The following EPB41L4A variants were observed in gnomAD, a reference collection of about 807,000 sequenced individuals.
EPB41L4A encodes the protein band 4.1-like protein 4A.
EPB41L4A carries 100 observed loss-of-function variants against 108.6 expected under a neutral mutation model. The ratio of observed to expected loss-of-function variants is 0.92; its 90% CI spans 0.78 to 1.09. EPB41L4A has a LOEUF of 1.09. EPB41L4A is among the 50% of genes least tolerant of loss of function. The pLI is 0.00. For synonymous variants in EPB41L4A, 319 were observed against 289.0 expected (o/e 1.10, Z -1.05); for missense variants, 1,030 against 842.7 (o/e 1.22, Z -2.75).
chr5:112,168,819 A>G lies in EPB41L4A; in HGVS notation c.1852T>C (p.Ser618Pro). The G allele has an allele frequency of 6.2e-7, 1 of 1,613,390 alleles. No homozygotes were observed. The highest frequency in any genetic ancestry group is 8.5e-7 in the Non-Finnish European group (1 of 1,179,302). The part of the protein sequence containing the change: ...GERSVLSEVN[S>P]KTDLVPPLPV... Reference sequence around the variant, plus strand: ...AGTGGTGGTACAAGATCTGTTTTTGAACTGCAGAGAATGAGTTTTAGAATT... The same window carrying G: ...AGTGGTGGTACAAGATCTGTTTTTGGACTGCAGAGAATGAGTTTTAGAATT... The change falls in exon 22 of 23, where the codon TCA becomes CCA. Residue 618 changes from serine to proline, a missense_variant and splice_region_variant. Physicochemically the swap from Ser to Pro is moderately conservative, Grantham distance 74. Transcript: ENST00000261486.
intron 12 of EPB41L4A, among the ~76,000 whole-genome samples, chr5:112,150,079 A>G (rs953497069): frequency 3.4e-4 from 52 of 152,200 alleles, no homozygotes; most frequent in African/African-American, 1.2e-3. Context: ...AACAGGGAGG[A>G]AAGTTTTCCT....
At chr5:112,161,592 G>C (rs1472266077), downstream of EPB41L4A, 1 of 519,192 alleles carries the variant, frequency 1.9e-6, no homozygotes, top group East Asian at 5.4e-5. Flanking sequence ...GATACCTTTG[G>C]TGTAGGAGCT....
intron 5 of EPB41L4A, 127 bp downstream of exon 5, chr5:112,266,106 T>C (rs1445885652): frequency 1.4e-6 from 1 of 691,762 alleles, no homozygotes; most frequent in Non-Finnish European, 2.4e-6. Context: ...GAATTCCAAA[T>C]AAATTCAATT....
chr5:112,340,373 C>T (rs1487394243), intron 1 of EPB41L4A, among the ~76,000 whole-genome samples: 2 of 152,158 alleles, frequency 1.3e-5, no homozygotes, highest in African/African-American at 2.4e-5. Flanking sequence ...CCAAAATGCA[C>T]GTTTAACAAG....
At chr5:112,151,169 T>C (rs975370097) in intron 12 of EPB41L4A, among the ~76,000 whole-genome samples, 1 of 152,074 alleles carries the variant, frequency 6.6e-6, no homozygotes, top group Non-Finnish European at 1.5e-5. Flanking sequence ...TGGTCTGAGA[T>C]GCAGGAGAGA....
At position 112,240,792 on chromosome 5, in the gene EPB41L4A, AG is replaced by A. The variant is rs760928712; in HGVS notation, c.813del (p.Phe273LeufsTer57). The A allele has an allele frequency of 6.3e-7, 1 of 1,593,712 alleles. No homozygotes were observed. Among genetic ancestry groups the A allele is most frequent in the South Asian group, 1.2e-5 (1 of 86,170 alleles). ...VLGKDCNETS[F>X]FFEARSKTAC... ...GCAGTTTTACTCCGAGCTTCAAAAA[AG>A]AATGAGGTTTCGTTACACTAAGAGA... On this transcript the variant is annotated frameshift_variant, in exon 10 of 23. Transcript: ENST00000261486. LOFTEE classifies it high-confidence loss of function.
chr5:112,262,137 C>T (rs953631588), intron 7 of EPB41L4A, among the ~76,000 whole-genome samples: 2 of 152,090 alleles, frequency 1.3e-5, no homozygotes, highest in Admixed American at 6.5e-5. Context: ...GATGATCCAC[C>T]CACCTCTGCC....
Position 112,345,780 on chromosome 5 carries a change from T to TACAC in EPB41L4A, c.100-38294_100-38291dup, listed in dbSNP as rs60638685. ...ATATATATATATACATATATATATA[T>TACAC]ACACACACACACACACACACACACA... is the stretch of plus-strand genomic sequence containing the variant. On this transcript the variant is annotated intron_variant, in intron 1 of 22. Coordinates refer to ENST00000261486, the MANE Select transcript of EPB41L4A (RefSeq NM_022140.5). Among the ~76,000 whole-genome samples, 109 of 74,648 alleles carry TACAC rather than the reference T, an allele frequency of 1.5e-3. 1 individual carries two copies. The highest frequency in any genetic ancestry group is 3.2e-3 in the East Asian group (11 of 3,466). The allele number at this position is 74,648 out of a possible 152,430, so 49.0% of individuals were successfully genotyped here. A position where few individuals can be genotyped will look rare whatever the true frequency, so the allele number is the denominator to read the frequency against.
At chr5:112,344,351 C>T (rs1284593624) in intron 1 of EPB41L4A, among the ~76,000 whole-genome samples, 1 of 152,100 alleles carries the variant, frequency 6.6e-6, no homozygotes, top group East Asian at 1.9e-4. Flanking sequence ...TACACACTTA[C>T]TAGAACATTA....
chr5:112,171,096 C>T, intron 18 of EPB41L4A, 104 bp from the exon 19 acceptor site: 1 of 1,008,748 alleles, frequency 9.9e-7, no homozygotes, highest in Non-Finnish European at 1.5e-6. Context: ...TATTTGCCAG[C>T]TGAGAACAGA....
At position 112,255,252 on chromosome 5, in the gene EPB41L4A, T is replaced by C. The variant is rs993098269; in HGVS notation, c.795+3977A>G. 2.0e-5 allele frequency among the ~76,000 whole-genome samples: 3 copies of C among 152,184 alleles called. 1 individual carries two copies. Among genetic ancestry groups the C allele is most frequent in the Non-Finnish European group, 4.4e-5 (3 of 68,026 alleles). On this transcript the variant is annotated intron_variant, in intron 9 of 22. Coordinates refer to ENST00000261486, the MANE Select transcript of EPB41L4A (RefSeq NM_022140.5). ...AACTCCTCCAAAGAGTTGTCCACAC[T>C]CACCATCTCCAAATCTCCAATTCTT...
intron 1 of EPB41L4A, among the ~76,000 whole-genome samples, chr5:112,368,491 T>C (rs1309121626): frequency 6.6e-6 from 1 of 152,118 alleles, no homozygotes; most frequent in Non-Finnish European, 1.5e-5. Context: ...GGTCCCTATA[T>C]AAGTCTTTCC....
intron 1 of EPB41L4A, among the ~76,000 whole-genome samples, chr5:112,328,796 C>T (rs1416011820): frequency 1.3e-5 from 2 of 152,188 alleles, no homozygotes; most frequent in Non-Finnish European, 2.9e-5. Context: ...TTAGTTGATA[C>T]ATTAGAATGA....
chr5:112,257,006 C>A (rs1400759133), intron 9 of EPB41L4A: 1 of 152,148 alleles, frequency 6.6e-6, no homozygotes, highest in Non-Finnish European at 1.5e-5. Context: ...AATGCAATGA[C>A]CATACTAAGT....
intron 1 of EPB41L4A, among the ~76,000 whole-genome samples, chr5:112,318,588 T>C (rs183776135): frequency 2.0e-5 from 3 of 152,204 alleles, no homozygotes; most frequent in East Asian, 1.9e-4. Context: ...TACCAACGAG[T>C]GTTCACAGTC....
chr5:112,183,831 G>A (rs1452710174), intron 18 of EPB41L4A, among the ~76,000 whole-genome samples, 185 bp downstream of exon 18: 1 of 152,140 alleles, frequency 6.6e-6, no homozygotes, highest in Non-Finnish European at 1.5e-5. Flanking sequence ...ATTTTGTTTT[G>A]ACTGTGCTTC....
At chr5:112,197,250 C>T (rs1233693417) in intron 15 of EPB41L4A, among the ~76,000 whole-genome samples, 1 of 152,170 alleles carries the variant, frequency 6.6e-6, no homozygotes, top group Non-Finnish European at 1.5e-5. Context: ...CTCCTCTCTC[C>T]TTCAAAGCCA....
rs188011870 is a variant in EPB41L4A, at chr5:112,361,927, G to C, written c.100-54437C>G. On this transcript the variant is annotated intron_variant, in intron 1 of 22. Transcript: ENST00000261486. ...AAAGTAATTATCAGAGAAAATAAGAGAATCTAATTCTAAAAAGTCTTATGT... is the reference window on the plus strand; with the variant it reads ...AAAGTAATTATCAGAGAAAATAAGACAATCTAATTCTAAAAAGTCTTATGT... Among the ~76,000 whole-genome samples, 94 of 152,136 alleles carry C rather than the reference G, an allele frequency of 6.2e-4. 1 individual carries two copies. Among genetic ancestry groups the C allele is most frequent in the African/African-American group, 2.3e-3 (94 of 41,516 alleles).
chr5:112,313,630 C>G (rs1054415282), intron 1 of EPB41L4A, among the ~76,000 whole-genome samples: 5 of 151,972 alleles, frequency 3.3e-5, no homozygotes, highest in Non-Finnish European at 7.4e-5. Context: ...GACTAGCAAC[C>G]AGGCACACAT....
Sources: allele counts gnomAD v4.1 joint callset (sites outside exome capture counted in the v4.1 genomes callset), GRCh38; gene constraint gnomAD v4.1.1; transcripts MANE v1.5; gene names NCBI Gene and HGNC (gene_info 2026-07-23, HGNC 2026-07-21).